TLE4: variants seen among roughly 807,000 people sequenced by gnomAD.
The protein encoded by TLE4 is transducin-like enhancer protein 4.
In TLE4, 8 loss-of-function variants were observed where a neutral mutation model predicts 92.8. The ratio of observed to expected loss-of-function variants is 0.09; its 90% confidence interval spans 0.05 to 0.16. TLE4 has a LOEUF of 0.16. TLE4 is among the 10% of genes least tolerant of loss of function. The probability of loss-of-function intolerance (pLI) is 1.00; values close to 1 mark genes in which losing one functional copy is unlikely to be tolerated. For synonymous variants in TLE4, 371 were observed against 374.1 expected (o/e 0.99, Z 0.10); for missense variants, 675 against 997.6 (o/e 0.68, Z 4.36).
rs149524619 is a variant in TLE4 at position 79,637,658 on chromosome 9, T to G, written c.390+10210T>G. Reference sequence around the variant, plus strand: ...GTTCCACAGGTCAGTTGGATACTCTTGACTCATACGTTGTTGCTTCCTGTC... The same window carrying G: ...GTTCCACAGGTCAGTTGGATACTCTGGACTCATACGTTGTTGCTTCCTGTC... On this transcript the variant is annotated intron_variant, in intron 6 of 19. Coordinates refer to ENST00000376552, the MANE Select transcript of TLE4 (RefSeq NM_007005.6). Among the ~76,000 whole-genome samples, 111 of 152,326 alleles carry G rather than the reference T, an allele frequency of 7.3e-4. 1 individual carries two copies. The highest frequency in any genetic ancestry group is 2.6e-3 in the African/African-American group (108 of 41,570).
At chr9:79,719,987 A>G in intron 15 of TLE4, 59 bp from the exon 16 acceptor site, 2 of 1,546,430 alleles carry the variant, frequency 1.3e-6, no homozygotes, top group Admixed American at 1.9e-5. Flanking sequence ...TTCTGCTCTC[A>G]TGTTAATGCT....
At chr9:79,624,518 A>G (rs1036650442) in intron 5 of TLE4, among the ~76,000 whole-genome samples, 2 of 152,208 alleles carry the variant, frequency 1.3e-5, no homozygotes, top group Admixed American at 1.3e-4. Flanking sequence ...CTGCAGGTAA[A>G]GTTCAGATAT....
intron 6 of TLE4, among the ~76,000 whole-genome samples, chr9:79,637,241 G>T (rs979952721): frequency 1.3e-5 from 2 of 152,036 alleles, no homozygotes; most frequent in African/African-American, 4.8e-5. Flanking sequence ...TTGAATATTC[G>T]CTCTGTGTTA....
At chr9:79,623,109 C>T (rs1234501200) in intron 5 of TLE4, among the ~76,000 whole-genome samples, 1 of 152,080 alleles carries the variant, frequency 6.6e-6, no homozygotes, top group Non-Finnish European at 1.5e-5. Context: ...ACTGAACCTA[C>T]AGGTACCCAT....
At chr9:79,690,798 T>A (rs1371383385) in intron 8 of TLE4, among the ~76,000 whole-genome samples, 1 of 139,244 alleles carries the variant, frequency 7.2e-6, no homozygotes, top group African/African-American at 2.7e-5. Context: ...TTTTTTTTTT[T>A]TTTTTTTTTG....
chr9:79,724,986 T>G (rs767172141), intron 19 of TLE4, 51 bp from the exon 20 acceptor site: 4 of 1,393,816 alleles, frequency 2.9e-6, no homozygotes, highest in Non-Finnish European at 4.0e-6. Flanking sequence ...TCCATACTCA[T>G]GGGATTTTCT....
rs1314582540 is a variant in TLE4, at chr9:79,653,714, T to C, written c.593-345T>C. Among the ~76,000 whole-genome samples the C allele has an allele frequency of 2.0e-5, 3 of 152,226 alleles. No homozygotes were observed. In the East Asian group the frequency reaches 5.8e-4, roughly 29 times the overall value. On this transcript the variant is annotated intron_variant, in intron 7 of 19. Coordinates refer to ENST00000376552, the MANE Select transcript of TLE4 (RefSeq NM_007005.6). The stretch of plus-strand genomic sequence containing the variant: ...TATCACATATGCATAAATATCCATC[T>C]CTGATATTAAAAACACTGTAATTTG...
rs776714530 is a variant in TLE4, at chr9:79,706,810, C to T, written c.847C>T (p.Arg283Cys). 21 of 1,614,058 alleles carry T rather than the reference C, an allele frequency of 1.3e-5. No individual in the cohort carries two copies. Among genetic ancestry groups the T allele is most frequent in the South Asian group, 2.2e-5 (2 of 91,088 alleles). ...CAGAGAGAATGGCCTAGACAAGACA[C>T]GCCTGCTCAAGAAAGATGCCCCGAT... ...SPRENGLDKT[R>C]LLKKDAPISP... is the part of the protein sequence containing the mutation. The change falls in exon 11 of 20, where the codon CGC becomes TGC. Residue 283 changes from arginine (R) to cysteine (C), a missense_variant. Physicochemically the swap from Arg to Cys is radical, Grantham distance 180 (BLOSUM62 -3). This residue lies in a region of TLE4 where 280 missense variants were observed against 287.3 expected (regional missense o/e 0.97). Coordinates refer to ENST00000376552, the MANE Select transcript of TLE4 (RefSeq NM_007005.6).
chr9:79,703,670 T>C (rs576307329), intron 8 of TLE4, among the ~76,000 whole-genome samples: 3 of 152,196 alleles, frequency 2.0e-5, no homozygotes, highest in Non-Finnish European at 4.4e-5. Flanking sequence ...AGCCTAAGTG[T>C]GGTCCCAAGA....
At chr9:79,585,193 A>T (rs1486176203) in intron 4 of TLE4, among the ~76,000 whole-genome samples, 1 of 152,172 alleles carries the variant, frequency 6.6e-6, no homozygotes, top group Non-Finnish European at 1.5e-5. Flanking sequence ...GCAATTTTAG[A>T]TTGCTTATAG....
chr9:79,724,890 A>C, intron 19 of TLE4, 147 bp from the exon 20 acceptor site: 1 of 353,296 alleles, frequency 2.8e-6, no homozygotes, highest in Admixed American at 3.9e-5. Flanking sequence ...AAGCAGCAGT[A>C]CTGTCCATGA....
rs1301897050 is a variant in TLE4 at position 79,576,063 on chromosome 9, G to A, written c.208-70G>A. On this transcript the variant is annotated intron_variant, in intron 3 of 19. Coordinates refer to ENST00000376552, the MANE Select transcript of TLE4 (RefSeq NM_007005.6). ...TATGTTTGTTTCAGATTTACTTGGG[G>A]CATTTTGAACAAACTAGGGAGATTG... 19 of 1,068,946 alleles carry A rather than the reference G, an allele frequency of 1.8e-5. No homozygotes were observed. The East Asian group carries it at 4.5e-4, about 25-fold the overall frequency. The allele number at this position is 1,068,946 out of a possible 1,614,324, so 66.2% of individuals were successfully genotyped here.
chr9:79,642,253 G>T (rs1166542274), intron 6 of TLE4, among the ~76,000 whole-genome samples: 1 of 151,768 alleles, frequency 6.6e-6, no homozygotes, highest in East Asian at 1.9e-4. Flanking sequence ...AAAAAAAGAA[G>T]AAGAAATTAG....
intron 8 of TLE4, among the ~76,000 whole-genome samples, chr9:79,671,002 A>G (rs1016174521): frequency 6.6e-6 from 1 of 152,196 alleles, no homozygotes; most frequent in Admixed American, 6.5e-5. Context: ...AACAGCAGAA[A>G]GGAGCAAACT....
intron 8 of TLE4, among the ~76,000 whole-genome samples, chr9:79,695,180 T>C (rs897549236): frequency 1.3e-5 from 2 of 152,166 alleles, no homozygotes; most frequent in African/African-American, 4.8e-5. Flanking sequence ...GGCACTGACC[T>C]TGGGGGAGGG....
chr9:79,640,836 A>G (rs766337037), intron 6 of TLE4, among the ~76,000 whole-genome samples: 3 of 152,170 alleles, frequency 2.0e-5, no homozygotes, highest in Non-Finnish European at 4.4e-5. Context: ...CTAGCTTAAA[A>G]TACTTACTAG....
chr9:79,573,479 G>C (rs1267364676), intron 1 of TLE4: 1 of 947,870 alleles, frequency 1.1e-6, no homozygotes, highest in Non-Finnish European at 1.4e-6. Context: ...GCCTGCGGGC[G>C]GGAGTATGCG....
intron 4 of TLE4, chr9:79,601,444 G>A (rs2045632601): frequency 4.4e-6 from 2 of 455,902 alleles, no homozygotes; most frequent in Middle Eastern, 3.9e-4. Context: ...GAAGGCTGTA[G>A]CAACCCTGAA....
At chr9:79,681,650 A>T (rs11138328) in intron 8 of TLE4, among the ~76,000 whole-genome samples, 1 of 151,828 alleles carries the variant, frequency 6.6e-6, no homozygotes, top group Non-Finnish European at 1.5e-5. Context: ...GGCTACATGG[A>T]TACAGATCTG....
Sources: allele counts gnomAD v4.1 joint callset (sites outside exome capture counted in the v4.1 genomes callset), GRCh38; gene constraint gnomAD v4.1.1; regional missense constraint gnomAD v4.1.1; transcripts MANE v1.5; gene names NCBI Gene and HGNC (gene_info 2026-07-23, HGNC 2026-07-21).